Variants in ADGRB3 observed in about 807,000 individuals in gnomAD.
ADGRB3 encodes the protein adhesion G protein-coupled receptor B3.
ADGRB3 carries 37 observed loss-of-function variants against 193.4 expected under a neutral mutation model. That is an observed-to-expected ratio of 0.19 (90% CI 0.15 to 0.25). The LOEUF is 0.25. Among genes scored for constraint, ADGRB3 ranks in the 10% least tolerant of loss-of-function variants. The pLI is 1.00. For synonymous variants in ADGRB3, 690 were observed against 644.2 expected (o/e 1.07, Z -1.08); for missense variants, 1,637 against 1,852.9 (o/e 0.88, Z 2.14).
At chr6:68,828,139 G>A (rs986904353) in intron 3 of ADGRB3, among the ~76,000 whole-genome samples, 2 of 151,922 alleles carry the variant, frequency 1.3e-5, no homozygotes, top group Admixed American at 1.3e-4. Context: ...ACATTTTTCA[G>A]TGTATTTAAC....
intron 17 of ADGRB3, among the ~76,000 whole-genome samples, chr6:69,134,933 TG>T (rs1404714708): frequency 5.9e-5 from 9 of 152,062 alleles, no homozygotes; most frequent in Admixed American, 2.6e-4. Flanking sequence ...GGTTTTCATA[TG>T]CATTTTTTCT....
At chr6:68,665,499 TG>T (rs1254241587) in intron 3 of ADGRB3, among the ~76,000 whole-genome samples, 2 of 151,814 alleles carry the variant, frequency 1.3e-5, no homozygotes, top group Admixed American at 1.3e-4. Context: ...TGAATATCTC[TG>T]GAGGAAAACA....
chr6:68,669,248 T>C (rs1319234107), intron 3 of ADGRB3, among the ~76,000 whole-genome samples: 2 of 151,962 alleles, frequency 1.3e-5, no homozygotes, highest in African/African-American at 4.8e-5. Context: ...CTTTTAGTTT[T>C]TTAAAAATGT....
At chr6:69,235,255 AAC>A (rs1766235060) in intron 19 of ADGRB3, 120 bp downstream of exon 19, 1 of 797,052 alleles carries the variant, frequency 1.3e-6, no homozygotes. Context: ...GTATTTTTAC[AAC>A]AGAGTTATAA....
intron 3 of ADGRB3, among the ~76,000 whole-genome samples, chr6:68,747,149 G>GA (rs1562013970): frequency 6.6e-6 from 1 of 152,114 alleles, no homozygotes; most frequent in Non-Finnish European, 1.5e-5. Flanking sequence ...TTCATTACAG[G>GA]AAAAATATGC....
Position 68,956,655 on chromosome 6 carries a change from A to G in ADGRB3, c.1371A>G (p.Gln457=), listed in dbSNP as rs138576286. The stretch of plus-strand genomic sequence containing the variant: ...AAACATTTCTTTCAGCCAATGGTCA[A>G]TGGAATCAGTGGGGTCATTGGAGTG... ...CYNPECTANG[Q]WNQWGHWSGC... The change falls in exon 8 of 32, where the codon CAA becomes CAG. Residue 457 remains glutamine, a synonymous_variant. Coordinates refer to ENST00000370598, the MANE Select transcript of ADGRB3 (RefSeq NM_001704.3). 4.6e-5 allele frequency: 75 copies of G among 1,614,002 alleles called. No homozygotes were observed. The African/African-American group carries it at 8.0e-4, about 17-fold the overall frequency.
At chr6:69,351,221 T>C (rs1307446553) in intron 26 of ADGRB3, among the ~76,000 whole-genome samples, 1 of 151,808 alleles carries the variant, frequency 6.6e-6, no homozygotes, top group Non-Finnish European at 1.5e-5. Flanking sequence ...AGCCCCCAGG[T>C]AGCTGGGATT....
chr6:68,879,248 G>T, intron 3 of ADGRB3, among the ~76,000 whole-genome samples: 1 of 111,128 alleles, frequency 9.0e-6, no homozygotes. Context: ...ACAGAGTCTC[G>T]CTCTATCCCC....
chr6:69,361,304 A>C lies in ADGRB3; in HGVS notation c.4031A>C (p.Lys1344Thr), dbSNP rs983794906. Residue 1344 changes from lysine to threonine, a missense_variant, in exon 29 of 32, where the codon AAA (lysine) becomes ACA (threonine). Physicochemically the swap from Lys to Thr is moderately conservative, Grantham distance 78. This residue lies in a region of ADGRB3 where 368 missense variants were observed against 367.4 expected (regional missense o/e 1.00). Transcript: ENST00000370598. ...TLPHERLLHYKVNPEFNMNPP... is the reference protein window; with the variant it reads ...TLPHERLLHYTVNPEFNMNPP... ...CCGCATGAAAGGCTATTGCACTACAAAGTAAACCCTGAATTCAATATGAAT... is the reference window on the plus strand; with the variant it reads ...CCGCATGAAAGGCTATTGCACTACACAGTAAACCCTGAATTCAATATGAAT... The C allele has an allele frequency of 2.5e-6, 4 of 1,612,794 alleles. No individual in the cohort carries two copies. Among genetic ancestry groups the C allele is most frequent in the Non-Finnish European group, 3.4e-6 (4 of 1,179,248 alleles).
At chr6:68,997,780 A>G (rs2150277197) in intron 11 of ADGRB3, among the ~76,000 whole-genome samples, 1 of 152,218 alleles carries the variant, frequency 6.6e-6, no homozygotes, top group Non-Finnish European at 1.5e-5. Flanking sequence ...TGTCATTATT[A>G]TTTCTAAAAG....
At chr6:68,869,470 A>G (rs1400998578) in intron 3 of ADGRB3, among the ~76,000 whole-genome samples, 1 of 152,142 alleles carries the variant, frequency 6.6e-6, no homozygotes, top group East Asian at 1.9e-4. Context: ...AAAACCTAGG[A>G]GAGAAATCAT....
chr6:68,883,139 A>G (rs796654024), intron 3 of ADGRB3, among the ~76,000 whole-genome samples: 15 of 152,216 alleles, frequency 9.9e-5, no homozygotes, highest in East Asian at 3.9e-4. Context: ...AAATACACCA[A>G]TCAGCACCCT....
At chr6:69,290,622 C>G (rs561825869) in intron 20 of ADGRB3, among the ~76,000 whole-genome samples, 3 of 152,266 alleles carry the variant, frequency 2.0e-5, no homozygotes, top group South Asian at 2.1e-4. Context: ...ATTTTACATA[C>G]TCATATAATT....
chr6:68,856,780 C>A (rs1764997614), intron 3 of ADGRB3, among the ~76,000 whole-genome samples: 1 of 152,190 alleles, frequency 6.6e-6, no homozygotes, highest in African/African-American at 2.4e-5. Context: ...GAATGTTAAT[C>A]CCCAAAACAA....
At chr6:68,846,055 G>A (rs1226017180) in intron 3 of ADGRB3, among the ~76,000 whole-genome samples, 1 of 152,188 alleles carries the variant, frequency 6.6e-6, no homozygotes, top group Non-Finnish European at 1.5e-5. Flanking sequence ...TGGAGATGAA[G>A]AACCTCTCGG....
intron 3 of ADGRB3, among the ~76,000 whole-genome samples, chr6:68,911,328 T>C (rs974763181): frequency 6.6e-6 from 1 of 151,172 alleles, no homozygotes; most frequent in African/African-American, 2.4e-5. Flanking sequence ...AATAACGAGT[T>C]AATGGGTGCA....
At chr6:68,979,042 G>A (rs1419150131) in intron 10 of ADGRB3, among the ~76,000 whole-genome samples, 2 of 151,000 alleles carry the variant, frequency 1.3e-5, no homozygotes, top group Admixed American at 6.6e-5. Context: ...AACCAGTTGA[G>A]GTAAACAAAA....
At chr6:68,657,742 A>G (rs1397935686) in intron 3 of ADGRB3, among the ~76,000 whole-genome samples, 4 of 151,482 alleles carry the variant, frequency 2.6e-5, no homozygotes, top group Non-Finnish European at 4.4e-5. Flanking sequence ...CCTTTGAACA[A>G]GTGTAGCAAA....
chr6:69,309,519 C>G (rs567834451), intron 20 of ADGRB3, among the ~76,000 whole-genome samples: 1 of 151,700 alleles, frequency 6.6e-6, no homozygotes, highest in South Asian at 2.1e-4. Context: ...TCTGATTTCT[C>G]TTTGAAATAT....
Sources: gnomAD v4.1 joint callset for allele counts (sites outside exome capture counted in the v4.1 genomes callset) on GRCh38, gnomAD v4.1.1 for gene constraint, gnomAD v4.1.1 regional missense constraint, MANE v1.5 for transcripts, NCBI Gene and HGNC (gene_info 2026-07-23, HGNC 2026-07-21) for gene names.